The following WDR64 variants were observed in gnomAD, a reference collection of about 807,000 sequenced individuals.
The protein encoded by WDR64 is WD repeat-containing protein 64.
A neutral mutation model predicts 139.3 loss-of-function variants in WDR64; 112 were observed. The ratio of observed to expected loss-of-function variants is 0.80; its 90% CI spans 0.69 to 0.94. The LOEUF is 0.94. Ranked by LOEUF, WDR64 falls within the 40% of genes least tolerant of loss-of-function variation. WDR64 has a pLI of 0.00. For synonymous variants in WDR64, 444 were observed against 437.7 expected, an observed-to-expected ratio of 1.01 and a Z score of -0.18; for missense variants, 1,206 against 1,293.1, an observed-to-expected ratio of 0.93 and a Z score of 1.03.
intron 10 of WDR64, among the ~76,000 whole-genome samples, chr1:241,731,962 A>G (rs1449698736): frequency 6.6e-6 from 1 of 152,152 alleles, no homozygotes; most frequent in Non-Finnish European, 1.5e-5. Flanking sequence ...CCTGATTTTC[A>G]AATGTACCAT....
At chr1:241,783,166 A>G in intron 22 of WDR64, 106 bp from the exon 23 acceptor site, 1 of 939,562 alleles carries the variant, frequency 1.1e-6, no homozygotes, top group Non-Finnish European at 1.7e-6. Flanking sequence ...AGATGTCTAC[A>G]TCTTCCACTC....
intron 27 of WDR64, among the ~76,000 whole-genome samples, chr1:241,798,696 T>C (rs533856932): frequency 2.6e-5 from 4 of 152,206 alleles, no homozygotes; most frequent in Non-Finnish European, 5.9e-5. Context: ...AATCCATTTA[T>C]AGATTAAGGA....
intron 2 of WDR64, among the ~76,000 whole-genome samples, chr1:241,665,193 A>G (rs1200290260): frequency 6.6e-6 from 1 of 152,224 alleles, no homozygotes; most frequent in Non-Finnish European, 1.5e-5. Flanking sequence ...ATGTATATAA[A>G]GAATGACTTG....
At position 241,778,454 on chromosome 1, in the gene WDR64, C is replaced by T. The variant is rs192990115; in HGVS notation, c.2537-1550C>T. 4.1e-4 allele frequency among the ~76,000 whole-genome samples: 63 copies of T among 152,218 alleles called. 1 individual carries two copies. The highest frequency in any genetic ancestry group is 6.3e-4 in the Non-Finnish European group (43 of 67,992). ...TCATGTTTTTAAATTCACTCTGACA[C>T]TCTCTTTGTTTTAACTGGTGTATTT... On this transcript the variant is annotated intron_variant, in intron 21 of 27. Transcript: ENST00000437684.
At position 241,660,638 on chromosome 1, in the gene WDR64, A is replaced by C; in HGVS notation, c.254A>C (p.Asp85Ala). The change falls in exon 2 of 28, where the codon GAT becomes GCT. Residue 85 changes from aspartate to alanine, a missense_variant. Transcript: ENST00000437684. Reference sequence around the variant, plus strand: ...TACAGGAAACTGTGCAACAACACGGATGCATCTGCAGACTGGTGTGAGGTA... The same window carrying C: ...TACAGGAAACTGTGCAACAACACGGCTGCATCTGCAGACTGGTGTGAGGTA... ...RFYRKLCNNT[D>A]ASADWCEIFG... 6.4e-7 allele frequency: 1 copy of C among 1,551,556 alleles called. No homozygotes were observed. Among genetic ancestry groups the C allele is most frequent in the Non-Finnish European group, 8.7e-7 (1 of 1,146,798 alleles).
intron 16 of WDR64, among the ~76,000 whole-genome samples, chr1:241,768,288 T>C (rs958838177): frequency 6.6e-6 from 1 of 152,224 alleles, no homozygotes; most frequent in Admixed American, 6.5e-5. Flanking sequence ...CAGTGCAGTA[T>C]TTTGCAAAAC....
At chr1:241,717,635 G>T (rs1290207044) in intron 9 of WDR64, among the ~76,000 whole-genome samples, 1 of 151,436 alleles carries the variant, frequency 6.6e-6, no homozygotes, top group African/African-American at 2.4e-5. Flanking sequence ...AAAAAAGAAA[G>T]AAAAAATAGA....
chr1:241,698,379 C>T (rs888088505), intron 8 of WDR64, among the ~76,000 whole-genome samples: 1 of 152,144 alleles, frequency 6.6e-6, no homozygotes, highest in Non-Finnish European at 1.5e-5. Flanking sequence ...CTTTCACTCT[C>T]CTGGCCCTTA....
intron 27 of WDR64, among the ~76,000 whole-genome samples, chr1:241,798,222 C>T (rs1309318348): frequency 2.0e-5 from 3 of 152,092 alleles, no homozygotes; most frequent in Non-Finnish European, 2.9e-5. Context: ...GATAGATCGT[C>T]GATCACACCA....
chr1:241,658,638 CAAAAA>C (rs56278786), intron 1 of WDR64, among the ~76,000 whole-genome samples: 5 of 83,760 alleles, frequency 6.0e-5, no homozygotes, highest in Admixed American at 1.3e-4. Flanking sequence ...GATCCTGTCT[CAAAAA>C]AAAAAAAAAA....
At chr1:241,688,766 T>C (rs1369606379) in intron 8 of WDR64, among the ~76,000 whole-genome samples, 1 of 152,054 alleles carries the variant, frequency 6.6e-6, no homozygotes, top group Non-Finnish European at 1.5e-5. Context: ...AATGGACAAG[T>C]GCTCAGCATG....
At chr1:241,699,708 G>T (rs1667635568) in intron 8 of WDR64, among the ~76,000 whole-genome samples, 1 of 152,290 alleles carries the variant, frequency 6.6e-6, no homozygotes, top group African/African-American at 2.4e-5. Context: ...ACACAATACA[G>T]AAGTGGTATT....
intron 4 of WDR64, among the ~76,000 whole-genome samples, chr1:241,675,431 A>G (rs899869445): frequency 1.3e-5 from 2 of 152,088 alleles, no homozygotes; most frequent in African/African-American, 4.8e-5. Context: ...TTTAGTAATG[A>G]GGAGATTGCT....
In WDR64 at chr1:241,713,978, G is replaced by A. The variant is rs114520041; in HGVS notation, c.1054+2097G>A. 5.9e-3 allele frequency among the ~76,000 whole-genome samples: 905 copies of A among 152,248 alleles called. 3 individuals carry two copies. The highest frequency in any genetic ancestry group is 0.021 in the African/African-American group (854 of 41,530). On this transcript the variant is annotated intron_variant, in intron 9 of 27. Transcript: ENST00000437684. ...AATTAGGAAGTGGGTGCTTACCTGG[G>A]GAAGAAGAACAAAAGAAAGCTCAAT...
At chr1:241,736,415 TAAA>T (rs59588872) in intron 10 of WDR64, among the ~76,000 whole-genome samples, 9 of 134,646 alleles carry the variant, frequency 6.7e-5, no homozygotes, top group Admixed American at 2.2e-4. Flanking sequence ...TGGAAGAGTT[TAAA>T]AAAAAAAAAA....
chr1:241,792,070 T>C (rs1177399186), intron 25 of WDR64, among the ~76,000 whole-genome samples: 1 of 152,184 alleles, frequency 6.6e-6, no homozygotes. Context: ...TAAATGTATC[T>C]CCCATTACCA....
intron 23 of WDR64, among the ~76,000 whole-genome samples, chr1:241,787,269 C>A (rs1659070992): frequency 6.8e-6 from 1 of 147,010 alleles, no homozygotes; most frequent in African/African-American, 2.5e-5. Context: ...GAGGCTGAGG[C>A]AGGAGAATGG....
At chr1:241,764,715 A>T (rs1658076713) in intron 15 of WDR64, among the ~76,000 whole-genome samples, 1 of 152,182 alleles carries the variant, frequency 6.6e-6, no homozygotes, top group Admixed American at 6.5e-5. Context: ...GACAATGGAG[A>T]TGGTGCAGAA....
intron 23 of WDR64, among the ~76,000 whole-genome samples, chr1:241,786,900 G>C (rs1659057547): frequency 6.6e-6 from 1 of 152,154 alleles, no homozygotes; most frequent in Admixed American, 6.5e-5. Context: ...CAGGGACATG[G>C]ATGGAGCTAG....
Sources: gnomAD v4.1 joint callset for allele counts (sites outside exome capture counted in the v4.1 genomes callset) on GRCh38, gnomAD v4.1.1 for gene constraint, MANE v1.5 for transcripts, NCBI Gene and HGNC (gene_info 2026-07-23, HGNC 2026-07-21) for gene names.